Variants in RIMBP2 observed in about 807,000 individuals in gnomAD.
RIMBP2 encodes the protein RIMS binding protein 2, also known as RIMS-binding protein 2.
RIMBP2 carries 48 observed loss-of-function variants against 118.6 expected under a neutral mutation model. That is an observed-to-expected ratio of 0.40 (90% confidence interval 0.32 to 0.51). The LOEUF is 0.51. RIMBP2 is among the 20% of genes least tolerant of loss of function. RIMBP2 has a pLI of 0.41. For synonymous variants in RIMBP2, 762 were observed against 742.9 expected, an observed-to-expected ratio of 1.03 and a Z score of -0.42; for missense variants, 1,551 against 1,768.3, an observed-to-expected ratio of 0.88 and a Z score of 2.20.
Position 130,581,356 on chromosome 12 carries a change from C to G in RIMBP2, c.-217+46966G>C, listed in dbSNP as rs1009542706. On this transcript the variant is annotated intron_variant, in intron 2 of 22. Transcript: ENST00000690449. The surrounding 1 kb of genome is among the most constrained non-coding windows in gnomAD (Gnocchi z 4.4). ...TCCAGCAATGGTTTCCAACCTTACT[C>G]TCAGATCACTGCTGTCTTAAGAGTT... is the stretch of plus-strand genomic sequence containing the variant. Among the ~76,000 whole-genome samples, 22 of 152,182 alleles carry G rather than the reference C, an allele frequency of 1.4e-4. No individual in the cohort carries two copies. The highest frequency in any genetic ancestry group is 5.3e-4 in the African/African-American group (22 of 41,434).
intron 1 of RIMBP2, among the ~76,000 whole-genome samples, chr12:130,697,523 TTAAAAA>T (rs931473362): frequency 6.6e-6 from 1 of 152,090 alleles, no homozygotes; most frequent in African/African-American, 2.4e-5. Flanking sequence ...CCTGGCCTCT[TTAAAAA>T]AATCATAATA....
rs182050134 is a variant in RIMBP2 at position 130,620,318 on chromosome 12, G to A, written c.-217+8004C>T. ...TCTCCCACTCCCTCCCACCCCAGGC[G>A]GGTCATCCTGCAGCTCTCCTCCTCC... On this transcript the variant is annotated intron_variant, in intron 2 of 22. Coordinates refer to ENST00000690449, the MANE Select transcript of RIMBP2 (RefSeq NM_001393629.1). The surrounding 1 kb of genome is among the most constrained non-coding windows in gnomAD (Gnocchi z 5.3). 5.5e-4 allele frequency among the ~76,000 whole-genome samples: 84 copies of A among 151,826 alleles called. No individual in the cohort carries two copies. The highest frequency in any genetic ancestry group is 1.1e-3 in the Non-Finnish European group (76 of 68,018).
At chr12:130,439,127 C>T (rs947900094) in intron 11 of RIMBP2, among the ~76,000 whole-genome samples, 2 of 151,904 alleles carry the variant, frequency 1.3e-5, no homozygotes, top group Non-Finnish European at 2.9e-5. Flanking sequence ...GAATCCATTT[C>T]TGCGTGTGTG....
At chr12:130,504,003 A>T (rs901255026) in intron 4 of RIMBP2, among the ~76,000 whole-genome samples, 1 of 152,174 alleles carries the variant, frequency 6.6e-6, no homozygotes, top group Non-Finnish European at 1.5e-5. Flanking sequence ...ATCAGGAGGG[A>T]CTCAAATCAG....
chr12:130,422,692 T>C lies in RIMBP2; in HGVS notation c.3130-131A>G. Reference sequence around the variant, plus strand: ...CTAAACTTAGCTTTTAACTGAAAGGTTAGCTGAATGGCCTGGGAGAGAACA... The same window carrying C: ...CTAAACTTAGCTTTTAACTGAAAGGCTAGCTGAATGGCCTGGGAGAGAACA... On this transcript the variant is annotated intron_variant, in intron 16 of 22. Coordinates refer to ENST00000690449, the MANE Select transcript of RIMBP2 (RefSeq NM_001393629.1). This position sits in a 1 kb window ranked among gnomAD's most constrained non-coding sequence, Gnocchi z 5.2. 1 of 659,396 alleles carries C rather than the reference T, an allele frequency of 1.5e-6. No individual in the cohort carries two copies. The highest frequency in any genetic ancestry group is 2.7e-6 in the Non-Finnish European group (1 of 376,500). The allele number at this position is 659,396 out of a possible 1,614,324, so 40.8% of individuals were successfully genotyped here.
chr12:130,655,559 T>C (rs974632431), intron 1 of RIMBP2, among the ~76,000 whole-genome samples: 1 of 152,210 alleles, frequency 6.6e-6, no homozygotes, highest in Non-Finnish European at 1.5e-5. Context: ...AGGGAATTTA[T>C]TGAGATTTTC....
At chr12:130,486,467 GC>G (rs1186476548) in intron 4 of RIMBP2, among the ~76,000 whole-genome samples, 104 of 123,254 alleles carry the variant, frequency 8.4e-4, no homozygotes, top group African/African-American at 3.2e-3. Flanking sequence ...CCCGTCCCCC[GC>G]CCCCCCGCCA....
At chr12:130,586,193 G>A (rs996790820) in intron 2 of RIMBP2, among the ~76,000 whole-genome samples, 7 of 152,182 alleles carry the variant, frequency 4.6e-5, no homozygotes, top group Non-Finnish European at 7.3e-5. Context: ...GGTGGCTCAC[G>A]CCTATAATCC....
At position 130,424,274 on chromosome 12, in the gene RIMBP2, C is replaced by G; in HGVS notation, c.2997G>C (p.Arg999Ser). The G allele has an allele frequency of 8.1e-7, 1 of 1,231,868 alleles. No individual in the cohort carries two copies. Among genetic ancestry groups the G allele is most frequent in the Non-Finnish European group, 1.0e-6 (1 of 987,894 alleles). The allele number at this position is 1,231,868 out of a possible 1,614,324, so 76.3% of individuals were successfully genotyped here. The change falls in exon 16 of 23, where the codon AGG (arginine) becomes AGC (serine). Residue 999 changes from arginine (R) to serine (S), a missense_variant. Around this residue, in one of 5 missense-constraint regions of RIMBP2, gnomAD observed 1,038 missense variants for 1,125.1 expected, o/e 0.92. Coordinates refer to ENST00000690449, the MANE Select transcript of RIMBP2 (RefSeq NM_001393629.1). The surrounding 1 kb of genome is among the most constrained non-coding windows in gnomAD (Gnocchi z 9.8). ...CGGTGGGCTCGCCCCAGCCGTGCTT[C>G]CTGGGGGGCGGCCTCTCCGGGCCGG... is the stretch of plus-strand genomic sequence containing the variant. ...PQPGPERPPP[R>S]KHGWGEPTEH...
intron 14 of RIMBP2, among the ~76,000 whole-genome samples, chr12:130,433,334 T>A (rs192335716): frequency 6.6e-6 from 1 of 152,168 alleles, no homozygotes; most frequent in Non-Finnish European, 1.5e-5. Context: ...GCTACAGATA[T>A]GTCTACTCAC....
intron 21 of RIMBP2, among the ~76,000 whole-genome samples, chr12:130,401,042 C>T (rs1157588202): frequency 6.6e-6 from 1 of 152,182 alleles, no homozygotes; most frequent in Non-Finnish European, 1.5e-5. Flanking sequence ...GTTCTGTAGA[C>T]GGATGGTGGT....
intron 1 of RIMBP2, chr12:130,667,679 AG>A (rs1408563384): frequency 6.6e-6 from 1 of 152,256 alleles, no homozygotes; most frequent in Non-Finnish European, 1.5e-5. Flanking sequence ...CCTTGTGATT[AG>A]AGGTTTGGGG....
In RIMBP2 at chr12:130,559,080, C is replaced by T. The variant is rs572440315; in HGVS notation, c.-216-41163G>A. ...AATAAGTGTATGTATTTATGGGGTA[C>T]AATGTGATGTTCTGATATATGTTTA... On this transcript the variant is annotated intron_variant, in intron 2 of 22. Coordinates refer to ENST00000690449, the MANE Select transcript of RIMBP2 (RefSeq NM_001393629.1). Among the ~76,000 whole-genome samples the T allele has an allele frequency of 2.0e-5, 3 of 151,752 alleles. No individual in the cohort carries two copies. The South Asian group carries it at 6.3e-4, about 32-fold the overall frequency.
At position 130,622,126 on chromosome 12, in the gene RIMBP2, C is replaced by T. The variant is rs909436398; in HGVS notation, c.-217+6196G>A. Among the ~76,000 whole-genome samples the T allele has an allele frequency of 6.6e-6, 1 of 152,200 alleles. No homozygotes were observed. Among genetic ancestry groups the T allele is most frequent in the Admixed American group, 6.5e-5 (1 of 15,286 alleles). The stretch of plus-strand genomic sequence containing the variant: ...CCGCACAAATAAAATTAGGCCGAGA[C>T]AGTTAGTCTTGGGGTCCTGACCAAA... On this transcript the variant is annotated intron_variant, in intron 2 of 22. Coordinates refer to ENST00000690449, the MANE Select transcript of RIMBP2 (RefSeq NM_001393629.1). The surrounding 1 kb of genome is among the most constrained non-coding windows in gnomAD (Gnocchi z 8.5).
Position 130,571,067 on chromosome 12 carries a change from C to T in RIMBP2, c.-216-53150G>A, listed in dbSNP as rs147976690. Among the ~76,000 whole-genome samples, 141 of 152,200 alleles carry T rather than the reference C, an allele frequency of 9.3e-4. No homozygotes were observed. In the Middle Eastern group the frequency reaches 0.01, roughly 11 times the overall value. ...AAATGTCACGAGAAAAAACGTGCTG[C>T]GGTCATTGTTTTGGCACTTGAGGGA... is the stretch of plus-strand genomic sequence containing the variant. On this transcript the variant is annotated intron_variant, in intron 2 of 22. Coordinates refer to ENST00000690449, the MANE Select transcript of RIMBP2 (RefSeq NM_001393629.1).
At chr12:130,506,463 G>A (rs1386990327) in intron 4 of RIMBP2, among the ~76,000 whole-genome samples, 185 bp downstream of exon 4, 2 of 152,154 alleles carry the variant, frequency 1.3e-5, no homozygotes, top group Non-Finnish European at 2.9e-5. Flanking sequence ...AGAAACACTG[G>A]AATTTTGTTA....
intron 4 of RIMBP2, among the ~76,000 whole-genome samples, chr12:130,487,216 C>T (rs2082566139): frequency 1.3e-5 from 2 of 152,212 alleles, no homozygotes; most frequent in African/African-American, 2.4e-5. Flanking sequence ...CACCACGTGG[C>T]CAGCCCTTCA....
intron 3 of RIMBP2, among the ~76,000 whole-genome samples, chr12:130,515,328 C>T (rs2051335320): frequency 6.6e-6 from 1 of 152,190 alleles, no homozygotes; most frequent in South Asian, 2.1e-4. Context: ...AACTCTCTTC[C>T]TCTTCCCCAA....
Position 130,412,755 on chromosome 12 carries a change from G to C in RIMBP2, c.3453C>G (p.Tyr1151Ter). ...CAAGCCGGGCACAGGTTTCCCCACG[G>C]TAGAATCCATCAGCGTCTTTATCAC... ...VYGDKDADGF[Y>*]RGETCARLGL... The change falls in exon 19 of 23, where the codon TAC becomes TAG. Residue 1151 changes from tyrosine to a stop codon, truncating the protein, a stop_gained. Coordinates refer to ENST00000690449, the MANE Select transcript of RIMBP2 (RefSeq NM_001393629.1). LOFTEE classifies it high-confidence loss of function. 1 of 1,613,800 alleles carries C rather than the reference G, an allele frequency of 6.2e-7. No homozygotes were observed. Among genetic ancestry groups the C allele is most frequent in the Non-Finnish European group, 8.5e-7 (1 of 1,179,930 alleles).
Sources: allele counts gnomAD v4.1 joint callset (sites outside exome capture counted in the v4.1 genomes callset), GRCh38; gene constraint gnomAD v4.1.1; regional missense constraint gnomAD v4.1.1; non-coding constraint Gnocchi (gnomAD v3.1); transcripts MANE v1.5; gene names NCBI Gene and HGNC (gene_info 2026-07-23, HGNC 2026-07-21).